LRRC4C: variants seen among roughly 807,000 people sequenced by gnomAD.
LRRC4C encodes the protein leucine rich repeat containing 4C.
LRRC4C carries 5 observed loss-of-function variants against 33.6 expected under a neutral mutation model. The observed-to-expected ratio is 0.15, with a 90% CI of 0.08 to 0.31. The LOEUF (loss-of-function observed/expected upper bound fraction) is 0.31. LRRC4C is among the 10% of genes least tolerant of loss of function. LRRC4C has a pLI of 1.00. For synonymous variants in LRRC4C, 329 were observed against 302.0 expected, an observed-to-expected ratio of 1.09 and a Z score of -0.93; for missense variants, 560 against 796.7, an observed-to-expected ratio of 0.70 and a Z score of 3.58.
At chr11:40,821,824 C>A (rs1236375702) in intron 2 of LRRC4C, among the ~76,000 whole-genome samples, 5 of 151,474 alleles carry the variant, frequency 3.3e-5, no homozygotes, top group Non-Finnish European at 7.4e-5. Flanking sequence ...TAGTGTAAAA[C>A]CTGGTAATAT....
chr11:40,373,219 T>C (rs1454739912), intron 3 of LRRC4C, among the ~76,000 whole-genome samples: 1 of 152,172 alleles, frequency 6.6e-6, no homozygotes, highest in Non-Finnish European at 1.5e-5. Context: ...ATAAAGCATT[T>C]GTAAGGTAAT....
At chr11:40,381,281 C>A (rs1455389913) in intron 3 of LRRC4C, among the ~76,000 whole-genome samples, 1 of 150,448 alleles carries the variant, frequency 6.6e-6, no homozygotes, top group Non-Finnish European at 1.5e-5. Flanking sequence ...ACGGTGGGGT[C>A]AATCTGAGGT....
In LRRC4C at chr11:41,006,196, A is replaced by G. The variant is rs1189374230; in HGVS notation, c.-495-72473T>C. Among the ~76,000 whole-genome samples, 6 of 152,316 alleles carry G rather than the reference A, an allele frequency of 3.9e-5. No homozygotes were observed. The South Asian group carries it at 1.0e-3, about 26-fold the overall frequency. On this transcript the variant is annotated intron_variant, in intron 1 of 6. Transcript: ENST00000528697. ...GCTATGACTGAGTGTGTCATTCATA[A>G]TCCCAATGTGAGTTTACTTTTTCAC...
chr11:41,438,073 TA>T (rs1157539481), intron 1 of LRRC4C, among the ~76,000 whole-genome samples: 12 of 60,112 alleles, frequency 2.0e-4, no homozygotes, highest in South Asian at 1.2e-3. Context: ...AAATAAATAA[TA>T]AAAAAAAATA....
chr11:41,369,951 T>C (rs896474831), intron 1 of LRRC4C, among the ~76,000 whole-genome samples: 1 of 152,214 alleles, frequency 6.6e-6, no homozygotes, highest in African/African-American at 2.4e-5. Flanking sequence ...CAACTCTCAA[T>C]AGAGATGCAA....
intron 1 of LRRC4C, among the ~76,000 whole-genome samples, chr11:41,028,267 C>T (rs1161023478): frequency 1.3e-5 from 2 of 151,222 alleles, no homozygotes; most frequent in Non-Finnish European, 3.0e-5. Context: ...TCAATCTAAG[C>T]ATTAAAAAAA....
At chr11:40,771,913 C>T (rs1271176271) in intron 2 of LRRC4C, among the ~76,000 whole-genome samples, 1 of 152,128 alleles carries the variant, frequency 6.6e-6, no homozygotes, top group Non-Finnish European at 1.5e-5. Flanking sequence ...CCTCTAAGTC[C>T]AAAGGGAGTT....
chr11:40,897,385 T>C (rs1346227122), intron 2 of LRRC4C, among the ~76,000 whole-genome samples: 1 of 152,140 alleles, frequency 6.6e-6, no homozygotes, highest in Non-Finnish European at 1.5e-5. Flanking sequence ...AAATCTTAAT[T>C]GAAACATGAG....
At chr11:40,427,445 T>C (rs756380424) in intron 3 of LRRC4C, among the ~76,000 whole-genome samples, 2 of 152,112 alleles carry the variant, frequency 1.3e-5, no homozygotes, top group South Asian at 2.1e-4. Flanking sequence ...AGGTGGAGGT[T>C]GCAGTGAGCC....
intron 3 of LRRC4C, among the ~76,000 whole-genome samples, chr11:40,346,487 G>T (rs56184417): frequency 6.4e-4 from 98 of 152,218 alleles, no homozygotes; most frequent in African/African-American, 2.2e-3. Context: ...CTTATAAGTG[G>T]CAGCTAAATG....
chr11:40,682,962 G>C (rs1944770767), intron 2 of LRRC4C, among the ~76,000 whole-genome samples: 1 of 151,964 alleles, frequency 6.6e-6, no homozygotes, highest in Non-Finnish European at 1.5e-5. Context: ...AGAAGAGAGA[G>C]GTATGTTTAT....
In LRRC4C at chr11:41,282,184, C is replaced by T. The variant is rs111719454; in HGVS notation, c.-496+177247G>A. ...GGGGATGCCCCTCTCTTTTCCCTGG[C>T]AATTTTGTAAATTGTACTATCTAGC... On this transcript the variant is annotated intron_variant, in intron 1 of 6. Coordinates refer to ENST00000528697, the MANE Select transcript of LRRC4C (RefSeq NM_001258419.2). Among the ~76,000 whole-genome samples the T allele has an allele frequency of 4.7e-3, 713 of 152,292 alleles. 3 individuals are homozygous for T. The highest frequency in any genetic ancestry group is 0.015 in the African/African-American group (632 of 41,560).
At chr11:40,999,588 G>T (rs1021007156) in intron 1 of LRRC4C, among the ~76,000 whole-genome samples, 3 of 152,080 alleles carry the variant, frequency 2.0e-5, no homozygotes, top group African/African-American at 4.8e-5. Context: ...CCATAGGATG[G>T]TGAAATAATA....
At chr11:40,237,830 C>T (rs755164991) in intron 5 of LRRC4C, among the ~76,000 whole-genome samples, 9 of 152,070 alleles carry the variant, frequency 5.9e-5, no homozygotes, top group Non-Finnish European at 1.0e-4. Flanking sequence ...ATATCCTATA[C>T]CACCGAAGTT....
intron 3 of LRRC4C, among the ~76,000 whole-genome samples, chr11:40,368,832 T>C (rs142886498): frequency 6.6e-6 from 1 of 152,298 alleles, no homozygotes; most frequent in African/African-American, 2.4e-5. Flanking sequence ...ATGTGTTCTA[T>C]CATGTAAAAA....
rs34895102 is a variant in LRRC4C, at chr11:41,106,450, G to GA, written c.-495-172728dup. 3.6e-3 allele frequency among the ~76,000 whole-genome samples: 523 copies of GA among 146,596 alleles called. 2 individuals carry two copies. Among genetic ancestry groups the GA allele is most frequent in the African/African-American group, 0.01 (398 of 39,720 alleles). On this transcript the variant is annotated intron_variant, in intron 1 of 6. Transcript: ENST00000528697. Reference sequence around the variant, plus strand: ...CAAACCCTTCTAAGAATTTATCTATGAAAAAAAAAAAACTCAGAAGCTTAT... The same window carrying GA: ...CAAACCCTTCTAAGAATTTATCTATGAAAAAAAAAAAAACTCAGAAGCTTAT...
At chr11:40,683,115 C>T (rs1421928536) in intron 2 of LRRC4C, among the ~76,000 whole-genome samples, 1 of 152,188 alleles carries the variant, frequency 6.6e-6, no homozygotes, top group Non-Finnish European at 1.5e-5. Context: ...TTTCTCTTCT[C>T]CACATTTTTT....
chr11:41,334,001 A>G (rs1951374652), intron 1 of LRRC4C, among the ~76,000 whole-genome samples: 1 of 152,160 alleles, frequency 6.6e-6, no homozygotes, highest in Admixed American at 6.5e-5. Context: ...ACATCTGGCT[A>G]TCTCTCCAAA....
intron 3 of LRRC4C, among the ~76,000 whole-genome samples, chr11:40,361,729 C>T (rs1947959508): frequency 6.6e-6 from 1 of 152,140 alleles, no homozygotes; most frequent in Admixed American, 6.6e-5. Context: ...ATTAAACTAC[C>T]ATTGACATGC....
Sources: gnomAD v4.1 joint callset for allele counts (sites outside exome capture counted in the v4.1 genomes callset) on GRCh38, gnomAD v4.1.1 for gene constraint, MANE v1.5 for transcripts, NCBI Gene and HGNC (gene_info 2026-07-23, HGNC 2026-07-21) for gene names.